PCLO: variants seen among roughly 807,000 people sequenced by gnomAD.
PCLO encodes the protein protein piccolo.
A neutral mutation model predicts 427.5 loss-of-function variants in PCLO; 82 were observed. That is an observed-to-expected ratio of 0.19 (90% confidence interval 0.16 to 0.23). The LOEUF is 0.23. Ranked by LOEUF, PCLO falls within the 10% of genes least tolerant of loss-of-function variation. PCLO has a pLI of 1.00. For synonymous variants in PCLO, 2,357 were observed against 2,155.4 expected (o/e 1.09, Z -2.59); for missense variants, 6,239 against 6,115.9 (o/e 1.02, Z -0.67).
In PCLO at chr7:82,915,868, G is replaced by T. The variant is rs1263255690; in HGVS notation, c.12118C>A (p.His4040Asn). The T allele has an allele frequency of 6.2e-7, 1 of 1,613,542 alleles. No homozygotes were observed. The highest frequency in any genetic ancestry group is 8.5e-7 in the Non-Finnish European group (1 of 1,179,756). ...AGGACATAATTTCGTGGAGTATGGT[G>T]ATCAATATCTGCATAGAAAGAATCT... Reference protein sequence around the residue: ...SADSFYADIDHHTPRNYVLID... With the variant: ...SADSFYADIDNHTPRNYVLID... Residue 4040 changes from histidine to asparagine, a missense_variant, in exon 7 of 25, where the codon CAC (histidine) becomes AAC (asparagine). His to Asn is a moderately conservative substitution (Grantham distance 68). This residue lies in a region of PCLO where 680 missense variants were observed against 677.3 expected (regional missense o/e 1.00). Transcript: ENST00000333891.
chr7:83,056,403 T>C, intron 3 of PCLO, among the ~76,000 whole-genome samples: 1 of 152,150 alleles, frequency 6.6e-6, no homozygotes, highest in East Asian at 1.9e-4. Flanking sequence ...ATTCAAACCG[T>C]TTAGAAAAAT....
intron 3 of PCLO, among the ~76,000 whole-genome samples, chr7:83,115,964 T>C (rs915339951): frequency 6.6e-6 from 1 of 151,676 alleles, no homozygotes; most frequent in Non-Finnish European, 1.5e-5. Context: ...TATAATACTC[T>C]CACATGCACA....
At chr7:82,909,997 T>C (rs1393964313) in intron 7 of PCLO, among the ~76,000 whole-genome samples, 4 of 152,124 alleles carry the variant, frequency 2.6e-5, no homozygotes, top group Non-Finnish European at 4.4e-5. Context: ...CTATAATGAC[T>C]GAACATCTTA....
chr7:82,989,839 A>G (rs1326340092), intron 3 of PCLO, among the ~76,000 whole-genome samples: 1 of 152,164 alleles, frequency 6.6e-6, no homozygotes, highest in Non-Finnish European at 1.5e-5. Flanking sequence ...ACTATGGTCC[A>G]AAGATTTGAA....
At chr7:83,142,371 A>G (rs1325801180) in intron 2 of PCLO, among the ~76,000 whole-genome samples, 1 of 152,220 alleles carries the variant, frequency 6.6e-6, no homozygotes, top group Non-Finnish European at 1.5e-5. Context: ...TAACATCTAA[A>G]TGGACTATTT....
At chr7:82,946,760 A>T (rs1795213430) in intron 6 of PCLO, among the ~76,000 whole-genome samples, 1 of 152,164 alleles carries the variant, frequency 6.6e-6, no homozygotes, top group African/African-American at 2.4e-5. Context: ...GAAATTTCTA[A>T]TATATTTTGA....
chr7:83,054,091 T>A (rs560981341), intron 3 of PCLO, among the ~76,000 whole-genome samples: 1 of 151,980 alleles, frequency 6.6e-6, no homozygotes, highest in Non-Finnish European at 1.5e-5. Flanking sequence ...AAATTTTCAA[T>A]AGCCACTGCC....
chr7:83,030,559 A>T (rs1008624944), intron 3 of PCLO, among the ~76,000 whole-genome samples: 1 of 152,192 alleles, frequency 6.6e-6, no homozygotes, highest in African/African-American at 2.4e-5. Context: ...AAGAGAAAGG[A>T]CCATGCAGCA....
At position 82,757,446 on chromosome 7, in the gene PCLO, C is replaced by T. The variant is rs985094847; in HGVS notation, c.*1129G>A. ...AGAAAATAGAGCACTAGAGAGAACT[C>T]GAGTTTAGTGTCATGTTTTCATGAT... On this transcript the variant is annotated 3_prime_UTR_variant, in exon 25 of 25. Coordinates refer to ENST00000333891, the MANE Select transcript of PCLO (RefSeq NM_033026.6). 3.3e-5 allele frequency: 5 copies of T among 151,692 alleles called. No individual in the cohort carries two copies. The highest frequency in any genetic ancestry group is 4.8e-5 in the African/African-American group (2 of 41,332). 9.4% of individuals were successfully genotyped at this position (151,692 alleles called of 1,614,324 possible). A position where few individuals can be genotyped will look rare whatever the true frequency, so the allele number is the denominator to read the frequency against.
At chr7:82,776,719 C>G (rs1431266162) in intron 22 of PCLO, among the ~76,000 whole-genome samples, 2 of 152,074 alleles carry the variant, frequency 1.3e-5, no homozygotes, top group Non-Finnish European at 2.9e-5. Context: ...CGCTTGAACC[C>G]AGGAGGTGGA....
chr7:82,946,210 T>C (rs1362503523), intron 6 of PCLO, among the ~76,000 whole-genome samples: 1 of 152,222 alleles, frequency 6.6e-6, no homozygotes, highest in Non-Finnish European at 1.5e-5. Context: ...AATGAAAAGA[T>C]AAGCAGCCAG....
At chr7:83,065,499 A>G (rs1789647233) in intron 3 of PCLO, among the ~76,000 whole-genome samples, 1 of 125,526 alleles carries the variant, frequency 8.0e-6, no homozygotes, top group African/African-American at 3.2e-5. Flanking sequence ...CTCAAAATGT[A>G]AAAAAAAAAA....
chr7:83,039,368 C>A (rs993410128), intron 3 of PCLO, among the ~76,000 whole-genome samples: 1 of 151,902 alleles, frequency 6.6e-6, no homozygotes, highest in Non-Finnish European at 1.5e-5. Flanking sequence ...AAGTTTTAGA[C>A]CCATTTTGAG....
At position 82,758,003 on chromosome 7, in the gene PCLO, A is replaced by C. The variant is rs1465355689; in HGVS notation, c.*572T>G. On this transcript the variant is annotated 3_prime_UTR_variant, in exon 25 of 25. Coordinates refer to ENST00000333891, the MANE Select transcript of PCLO (RefSeq NM_033026.6). Reference sequence around the variant, plus strand: ...TGGTAAAATATGGCCTGAAAGCCACAATTTCTACATCTCCTCTTCCATTTT... The same window carrying C: ...TGGTAAAATATGGCCTGAAAGCCACCATTTCTACATCTCCTCTTCCATTTT... 6.6e-6 allele frequency: 1 copy of C among 151,988 alleles called. No individual in the cohort carries two copies. The highest frequency in any genetic ancestry group is 1.5e-5 in the Non-Finnish European group (1 of 67,944). The allele number at this position is 151,988 out of a possible 1,614,324, so 9.4% of individuals were successfully genotyped here. A position where few individuals can be genotyped will look rare whatever the true frequency, so the allele number is the denominator to read the frequency against.
intron 3 of PCLO, among the ~76,000 whole-genome samples, chr7:83,091,092 T>A (rs998363792): frequency 1.3e-5 from 2 of 152,134 alleles, no homozygotes; most frequent in Non-Finnish European, 2.9e-5. Flanking sequence ...TCAGCTTTTT[T>A]AAAAACATAG....
chr7:82,925,863 G>A (rs1424386432), intron 6 of PCLO, among the ~76,000 whole-genome samples: 1 of 151,524 alleles, frequency 6.6e-6, no homozygotes, highest in Non-Finnish European at 1.5e-5. Flanking sequence ...CTCCAGGTGT[G>A]CACCACCATG....
intron 7 of PCLO, among the ~76,000 whole-genome samples, chr7:82,911,683 C>T (rs1212632531): frequency 1.3e-5 from 2 of 151,930 alleles, no homozygotes; most frequent in African/African-American, 4.8e-5. Context: ...AGTGCAGTGG[C>T]GTGATCTCAA....
chr7:82,943,702 G>T (rs1420294980), intron 6 of PCLO, among the ~76,000 whole-genome samples: 1 of 152,052 alleles, frequency 6.6e-6, no homozygotes, highest in African/African-American at 2.4e-5. Context: ...GAGAAAGGGT[G>T]TAAGGAAGGC....
chr7:83,040,749 C>A (rs1305146131), intron 3 of PCLO, among the ~76,000 whole-genome samples: 1 of 152,094 alleles, frequency 6.6e-6, no homozygotes, highest in Admixed American at 6.6e-5. Flanking sequence ...ATGTCAGTTT[C>A]TTTGGAGAGG....
Sources: gnomAD v4.1 joint callset for allele counts (sites outside exome capture counted in the v4.1 genomes callset) on GRCh38, gnomAD v4.1.1 for gene constraint, gnomAD v4.1.1 regional missense constraint, MANE v1.5 for transcripts, NCBI Gene and HGNC (gene_info 2026-07-23, HGNC 2026-07-21) for gene names.